AGBL1: variants seen among roughly 807,000 people sequenced by gnomAD.
AGBL1 encodes the protein AGBL carboxypeptidase 1.
A neutral mutation model predicts 118.9 loss-of-function variants in AGBL1; 130 were observed. The observed-to-expected ratio is 1.09, with a 90% CI of 0.95 to 1.26. The LOEUF is 1.26. AGBL1 is among the 50% of genes most tolerant of loss of function. The pLI is 0.00. For missense variants in AGBL1, 1,584 were observed against 1,298.1 expected (o/e 1.22, Z -3.38); for synonymous variants, 555 against 478.9 (o/e 1.16, Z -2.08).
intron 22 of AGBL1, among the ~76,000 whole-genome samples, chr15:86,715,227 C>A (rs1246822478): frequency 1.3e-5 from 2 of 152,190 alleles, no homozygotes; most frequent in East Asian, 1.9e-4. Context: ...CTAAATCCTG[C>A]ACAGTGAATT....
In AGBL1 at chr15:86,715,864, C is replaced by T. The variant is rs186506908; in HGVS notation, c.3158+41428C>T. 4.0e-3 allele frequency among the ~76,000 whole-genome samples: 610 copies of T among 152,044 alleles called. 3 individuals are homozygous for T. The highest frequency in any genetic ancestry group is 0.014 in the African/African-American group (572 of 41,474). On this transcript the variant is annotated intron_variant, in intron 22 of 22. Transcript: ENST00000614907. Reference sequence around the variant, plus strand: ...ACAAGGTCAGGAGATCGAGACCATCCTGGCTAACATGGTGAAACCCCATCT... The same window carrying T: ...ACAAGGTCAGGAGATCGAGACCATCTTGGCTAACATGGTGAAACCCCATCT...
intron 1 of AGBL1, among the ~76,000 whole-genome samples, chr15:86,089,228 A>T (rs1256717803): frequency 6.6e-6 from 1 of 152,054 alleles, no homozygotes; most frequent in African/African-American, 2.4e-5. Context: ...TGGTTTGGAA[A>T]CTGGTTTCAG....
chr15:86,508,851 G>T (rs2083017315), intron 18 of AGBL1, among the ~76,000 whole-genome samples: 1 of 152,228 alleles, frequency 6.6e-6, no homozygotes, highest in East Asian at 1.9e-4. Context: ...AAATGTGAAT[G>T]CTAAAAAGAA....
chr15:86,513,876 C>A (rs758026546), intron 18 of AGBL1, among the ~76,000 whole-genome samples: 1 of 151,976 alleles, frequency 6.6e-6, no homozygotes, highest in Non-Finnish European at 1.5e-5. Context: ...TTGATCTCTG[C>A]GTCATTTCAA....
intron 22 of AGBL1, among the ~76,000 whole-genome samples, chr15:86,767,298 G>C (rs1352245004): frequency 6.6e-6 from 1 of 151,834 alleles, no homozygotes; most frequent in African/African-American, 2.4e-5. Flanking sequence ...ATGGCACCAG[G>C]GACAGAGACG....
At chr15:86,828,034 G>A (rs2079056135) in intron 22 of AGBL1, among the ~76,000 whole-genome samples, 1 of 139,264 alleles carries the variant, frequency 7.2e-6, no homozygotes. Context: ...TAAACTCCTA[G>A]GCACAAGAAT....
chr15:86,603,229 G>A (rs576600876), intron 21 of AGBL1, among the ~76,000 whole-genome samples: 1 of 152,086 alleles, frequency 6.6e-6, no homozygotes, highest in African/African-American at 2.4e-5. Flanking sequence ...AGACCTTCTG[G>A]ACTGTATCTT....
At chr15:86,243,518 A>G (rs760610127) in intron 6 of AGBL1, among the ~76,000 whole-genome samples, 6 of 152,198 alleles carry the variant, frequency 3.9e-5, no homozygotes, top group Non-Finnish European at 7.3e-5. Context: ...CCTGTTGTTC[A>G]TGGATTTGCC....
chr15:86,169,833 C>T (rs1205147653), intron 5 of AGBL1, among the ~76,000 whole-genome samples: 1 of 152,206 alleles, frequency 6.6e-6, no homozygotes, highest in Non-Finnish European at 1.5e-5. Flanking sequence ...TAGCTGTAGA[C>T]CAGGGCTCTG....
At chr15:86,420,004 A>T (rs2081764100) in intron 18 of AGBL1, among the ~76,000 whole-genome samples, 1 of 152,194 alleles carries the variant, frequency 6.6e-6, no homozygotes, top group Non-Finnish European at 1.5e-5. Flanking sequence ...CCTGGGACAG[A>T]GCACCTGGGG....
At chr15:86,932,863 A>G (rs1301972765) in intron 23 of AGBL1, 2 of 151,704 alleles carry the variant, frequency 1.3e-5, no homozygotes, top group Non-Finnish European at 2.9e-5. Flanking sequence ...CAATGTTTTA[A>G]GTGCTTGAAA....
In AGBL1 at chr15:86,611,661, T is replaced by TC. The variant is rs199908074; in HGVS notation, c.2994+57129dup. On this transcript the variant is annotated intron_variant, in intron 21 of 22. Coordinates refer to ENST00000614907, the MANE Select transcript of AGBL1 (RefSeq NM_001386094.1). ...CAGCCTTTTCTGTCAAGGTATTTTT[T>TC]CCCCCTTGGTAATCTAATCAGAAAG... Among the ~76,000 whole-genome samples the TC allele has an allele frequency of 4.1e-3, 625 of 152,018 alleles. 7 individuals carry two copies. The highest frequency in any genetic ancestry group is 0.015 in the African/African-American group (604 of 41,438).
intron 4 of AGBL1, among the ~76,000 whole-genome samples, chr15:86,157,362 C>T (rs1223820817): frequency 1.3e-5 from 2 of 152,118 alleles, no homozygotes; most frequent in Non-Finnish European, 2.9e-5. Flanking sequence ...AGAAGGTGTG[C>T]CACCCACATT....
At chr15:86,500,022 T>G (rs1461954671) in intron 18 of AGBL1, among the ~76,000 whole-genome samples, 1 of 151,880 alleles carries the variant, frequency 6.6e-6, no homozygotes, top group Non-Finnish European at 1.5e-5. Context: ...GTTGCCAATC[T>G]GAGCTATTTT....
At chr15:86,837,886 C>G (rs1269127347) in intron 22 of AGBL1, among the ~76,000 whole-genome samples, 1 of 152,142 alleles carries the variant, frequency 6.6e-6, no homozygotes, top group Non-Finnish European at 1.5e-5. Context: ...ACACTTAGTT[C>G]CCTTCCATTT....
intron 22 of AGBL1, among the ~76,000 whole-genome samples, chr15:86,870,494 AAAG>A (rs1567216618): frequency 3.1e-5 from 4 of 130,266 alleles, no homozygotes; most frequent in Middle Eastern, 3.5e-3. Flanking sequence ...AAAAAAAAAA[AAAG>A]AAGAAACAAA....
chr15:86,569,186 A>G (rs1260781516), intron 21 of AGBL1, among the ~76,000 whole-genome samples: 1 of 152,156 alleles, frequency 6.6e-6, no homozygotes, highest in African/African-American at 2.4e-5. Context: ...TATCCCAACA[A>G]TTTGGGAGGC....
At chr15:86,924,341 G>A (rs2080509701) in intron 23 of AGBL1, among the ~76,000 whole-genome samples, 1 of 152,260 alleles carries the variant, frequency 6.6e-6, no homozygotes, top group African/African-American at 2.4e-5. Flanking sequence ...AGAAAGGTGT[G>A]TAATCTTAGC....
At chr15:86,798,699 C>T (rs574297672) in intron 22 of AGBL1, among the ~76,000 whole-genome samples, 2 of 150,334 alleles carry the variant, frequency 1.3e-5, no homozygotes, top group African/African-American at 2.5e-5. Context: ...ATACTACATA[C>T]ATGCTGGGTA....
Sources: gnomAD v4.1 joint callset for allele counts (sites outside exome capture counted in the v4.1 genomes callset) on GRCh38, gnomAD v4.1.1 for gene constraint, MANE v1.5 for transcripts, NCBI Gene and HGNC (gene_info 2026-07-23, HGNC 2026-07-21) for gene names.